The following TBC1D5 variants were observed in gnomAD, a reference collection of about 807,000 sequenced individuals.
The protein encoded by TBC1D5 is TBC1 domain family, member 5.
In TBC1D5, 75 loss-of-function variants were observed where a neutral mutation model predicts 100.3. That is an observed-to-expected ratio of 0.75 (90% confidence interval 0.62 to 0.91). TBC1D5 has a LOEUF of 0.91. TBC1D5 is among the 40% of genes least tolerant of loss of function. The probability of loss-of-function intolerance (pLI) is 0.00; values close to 1 mark genes in which losing one functional copy is unlikely to be tolerated. For synonymous variants in TBC1D5, 323 were observed against 325.6 expected (o/e 0.99, Z 0.09); for missense variants, 910 against 942.4 (o/e 0.97, Z 0.45).
chr3:17,741,925 A>G (rs975952503), upstream of TBC1D5, among the ~76,000 whole-genome samples: 1 of 150,344 alleles, frequency 6.7e-6, no homozygotes, highest in Non-Finnish European at 1.5e-5. Flanking sequence ...AAGTGAAGTC[A>G]AGGCTTCTCT....
At chr3:17,348,067 A>C (rs1225903652) in intron 13 of TBC1D5, among the ~76,000 whole-genome samples, 1 of 152,178 alleles carries the variant, frequency 6.6e-6, no homozygotes, top group Non-Finnish European at 1.5e-5. Flanking sequence ...ATCATCTTGG[A>C]CTTTAAATTC....
At chr3:17,517,609 C>CA (rs1396081020) in intron 2 of TBC1D5, among the ~76,000 whole-genome samples, 4 of 151,824 alleles carry the variant, frequency 2.6e-5, no homozygotes, top group East Asian at 1.9e-4. Flanking sequence ...CCATACATTA[C>CA]AAAAAAATAG....
At chr3:17,214,075 AT>A (rs1161234633) in intron 18 of TBC1D5, 131 bp downstream of exon 19, 1 of 851,366 alleles carries the variant, frequency 1.2e-6, no homozygotes, top group Non-Finnish European at 1.6e-6. Context: ...AATACTTTTG[AT>A]AAAATAATTC....
At chr3:17,523,008 CTG>C (rs2096079807) in intron 2 of TBC1D5, among the ~76,000 whole-genome samples, 1 of 152,128 alleles carries the variant, frequency 6.6e-6, no homozygotes. Flanking sequence ...TTGTCTTTCT[CTG>C]TGCTAAGAAC....
At chr3:17,594,203 T>G (rs1429711655) in intron 2 of TBC1D5, among the ~76,000 whole-genome samples, 2 of 152,174 alleles carry the variant, frequency 1.3e-5, no homozygotes, top group South Asian at 4.1e-4. Context: ...CTGGGGTGAA[T>G]GACCTGGACT....
rs1441475773 is a variant in TBC1D5, at chr3:17,233,763, A to G, written c.1588+4400T>C. 1.3e-6 allele frequency: 2 copies of G among 1,520,448 alleles called. No homozygotes were observed. The highest frequency in any genetic ancestry group is 1.8e-6 in the Non-Finnish European group (2 of 1,123,642). 94.2% of individuals were successfully genotyped at this position (1,520,448 alleles called of 1,614,324 possible). A position where few individuals can be genotyped will look rare whatever the true frequency, so the allele number is the denominator to read the frequency against. On this transcript the variant is annotated intron_variant, in intron 17 of 21. Transcript: ENST00000253692. ...GTAACTACATCGCCTGGATTTCATA[A>G]GAAAAAATAATTAGATTTCATAAAA...
intron 18 of TBC1D5, among the ~76,000 whole-genome samples, chr3:17,185,754 A>G (rs577618966): frequency 6.6e-6 from 1 of 152,250 alleles, no homozygotes; most frequent in East Asian, 1.9e-4. Flanking sequence ...GACAATGATA[A>G]TCTCTTAAAA....
At chr3:17,216,459 C>T (rs551735984) in intron 17 of TBC1D5, among the ~76,000 whole-genome samples, 1 of 152,204 alleles carries the variant, frequency 6.6e-6, no homozygotes, top group East Asian at 1.9e-4. Flanking sequence ...CTGTGTTATT[C>T]CCCCAATAAA....
At chr3:17,503,463 C>A (rs1427631088) in intron 3 of TBC1D5, among the ~76,000 whole-genome samples, 1 of 149,544 alleles carries the variant, frequency 6.7e-6, no homozygotes, top group Non-Finnish European at 1.5e-5. Flanking sequence ...GTCATAAACA[C>A]CATGGTATCT....
At chr3:17,165,545 C>T (rs1303243818) in intron 21 of TBC1D5, among the ~76,000 whole-genome samples, 1 of 152,220 alleles carries the variant, frequency 6.6e-6, no homozygotes, top group Admixed American at 6.5e-5. Context: ...ACTCCATGAA[C>T]ATTTCATATG....
At chr3:17,454,444 T>C (rs953207461) in intron 3 of TBC1D5, among the ~76,000 whole-genome samples, 2 of 152,126 alleles carry the variant, frequency 1.3e-5, no homozygotes, top group African/African-American at 4.8e-5. Context: ...AATCAACATA[T>C]AAAAATCAAT....
chr3:17,733,870 C>T (rs938661205), intron 1 of TBC1D5, among the ~76,000 whole-genome samples: 10 of 151,938 alleles, frequency 6.6e-5, no homozygotes, highest in Non-Finnish European at 8.8e-5. Context: ...ATTCAAAAAG[C>T]GACTGGTTAC....
At chr3:17,357,445 A>G (rs1455922054) in intron 13 of TBC1D5, among the ~76,000 whole-genome samples, 1 of 152,214 alleles carries the variant, frequency 6.6e-6, no homozygotes, top group Non-Finnish European at 1.5e-5. Context: ...TGAAAAAAAT[A>G]ATGATAGGAT....
intron 13 of TBC1D5, among the ~76,000 whole-genome samples, chr3:17,363,500 C>T (rs1377050790): frequency 6.6e-6 from 1 of 151,290 alleles, no homozygotes; most frequent in Non-Finnish European, 1.5e-5. Flanking sequence ...ACTCCCAGGT[C>T]TCTGGGACTA....
intron 13 of TBC1D5, among the ~76,000 whole-genome samples, chr3:17,356,411 C>T (rs1003802227): frequency 6.6e-6 from 1 of 152,086 alleles, no homozygotes; most frequent in African/African-American, 2.4e-5. Flanking sequence ...AAGAATGTTC[C>T]CTGCTCTAAT....
chr3:17,569,293 A>G (rs1231526583), intron 2 of TBC1D5, among the ~76,000 whole-genome samples: 2 of 151,820 alleles, frequency 1.3e-5, no homozygotes, highest in Non-Finnish European at 1.5e-5. Flanking sequence ...CGACTGGATG[A>G]TAACAGAAGT....
chr3:17,630,879 CA>C (rs35001269), intron 1 of TBC1D5, among the ~76,000 whole-genome samples: 51 of 126,834 alleles, frequency 4.0e-4, no homozygotes, highest in Non-Finnish European at 4.5e-4. Context: ...ACTAAAAATA[CA>C]AAAAAAAAAA....
intron 2 of TBC1D5, among the ~76,000 whole-genome samples, chr3:17,595,433 A>G (rs915404809): frequency 3.3e-5 from 5 of 152,126 alleles, no homozygotes; most frequent in African/African-American, 1.2e-4. Flanking sequence ...AAAGCATATG[A>G]TATTTTATAG....
chr3:17,722,002 A>T (rs2075749586), intron 1 of TBC1D5, among the ~76,000 whole-genome samples: 2 of 152,156 alleles, frequency 1.3e-5, no homozygotes, highest in African/African-American at 4.8e-5. Context: ...TTAATTAACT[A>T]CTACTAATAA....
Sources: gnomAD v4.1 joint callset for allele counts (sites outside exome capture counted in the v4.1 genomes callset) on GRCh38, gnomAD v4.1.1 for gene constraint, MANE v1.5 for transcripts, NCBI Gene and HGNC (gene_info 2026-07-23, HGNC 2026-07-21) for gene names.